Variants in CHST8 observed in about 807,000 individuals in gnomAD.
The protein encoded by CHST8 is GALNAC-4-ST1.
Under a neutral mutation model 15.0 loss-of-function variants are expected in CHST8, and 10 were observed. The observed-to-expected ratio is 0.67, with a 90% CI of 0.41 to 1.13. CHST8 has a LOEUF of 1.13. Ranked by LOEUF, CHST8 falls within the 50% of genes most tolerant of loss-of-function variation. The pLI is 0.00. For synonymous variants in CHST8, 259 were observed against 256.6 expected (o/e 1.01, Z -0.09); for missense variants, 634 against 608.2 (o/e 1.04, Z -0.45).
intron 3 of CHST8, among the ~76,000 whole-genome samples, chr19:33,701,736 T>C (rs1176514164): frequency 1.3e-5 from 2 of 152,228 alleles, no homozygotes; most frequent in African/African-American, 4.8e-5. Context: ...GCATGAAATG[T>C]AGTCAGGGTT....
At chr19:33,649,844 G>C (rs923800226) in intron 1 of CHST8, among the ~76,000 whole-genome samples, 1 of 152,154 alleles carries the variant, frequency 6.6e-6, no homozygotes, top group African/African-American at 2.4e-5. Flanking sequence ...GGGGTAGGGG[G>C]TCAGTTAGTG....
chr19:33,769,744 C>T (rs1974931784), intron 3 of CHST8, among the ~76,000 whole-genome samples: 1 of 152,072 alleles, frequency 6.6e-6, no homozygotes, highest in Non-Finnish European at 1.5e-5. Context: ...GCCAGGTCTA[C>T]TTGGAGCTTC....
rs182084568 is a variant in CHST8 at position 33,659,665 on chromosome 19, C to G, written c.-163-8102C>G. Among the ~76,000 whole-genome samples, 6 of 152,068 alleles carry G rather than the reference C, an allele frequency of 3.9e-5. No homozygotes were observed. In the East Asian group the frequency reaches 9.7e-4, roughly 25 times the overall value. On this transcript the variant is annotated intron_variant, in intron 1 of 4. Transcript: ENST00000650847. The stretch of plus-strand genomic sequence containing the variant: ...CTCTACAAAAAAATTAAAAAAATAA[C>G]CAGGAAAGGTGGCTTGTGCCTGAAA...
intron 3 of CHST8, among the ~76,000 whole-genome samples, chr19:33,741,615 T>A (rs1974195920): frequency 6.6e-6 from 1 of 152,130 alleles, no homozygotes; most frequent in Non-Finnish European, 1.5e-5. Flanking sequence ...CTTGCGTGTC[T>A]TTTGTAGGAC....
chr19:33,703,634 T>C (rs536349845), intron 3 of CHST8, among the ~76,000 whole-genome samples: 1 of 152,356 alleles, frequency 6.6e-6, no homozygotes, highest in South Asian at 2.1e-4. Flanking sequence ...TGCATTGAGG[T>C]TGACACCATT....
intron 2 of CHST8, among the ~76,000 whole-genome samples, chr19:33,681,888 C>T (rs1488266809): frequency 2.7e-5 from 4 of 146,740 alleles, no homozygotes; most frequent in East Asian, 2.0e-4. Flanking sequence ...TTTTTTTTAA[C>T]GGAGTTTCGC....
chr19:33,643,306 T>A (rs1429915628), intron 1 of CHST8, among the ~76,000 whole-genome samples: 4 of 152,216 alleles, frequency 2.6e-5, no homozygotes, highest in Non-Finnish European at 5.9e-5. Context: ...ATTGCCTTTT[T>A]AACATACATT....
intron 1 of CHST8, among the ~76,000 whole-genome samples, chr19:33,637,409 T>C (rs1313597233): frequency 2.6e-5 from 4 of 150,972 alleles, no homozygotes; most frequent in African/African-American, 7.3e-5. Flanking sequence ...GCTTTCTTTT[T>C]TTTTTTTTTT....
intron 3 of CHST8, among the ~76,000 whole-genome samples, chr19:33,720,330 C>G (rs1487691049): frequency 6.6e-6 from 1 of 151,810 alleles, no homozygotes; most frequent in Non-Finnish European, 1.5e-5. Flanking sequence ...ACTGCACACA[C>G]ACACCACACA....
intron 1 of CHST8, among the ~76,000 whole-genome samples, chr19:33,634,651 GT>G (rs565133027): frequency 0.011 from 599 of 54,944 alleles, 7 homozygotes; most frequent in South Asian, 0.056. Flanking sequence ...TTCTAGGGCT[GT>G]TTTTTTTTTT....
chr19:33,678,700 C>T (rs1972842966), intron 2 of CHST8, among the ~76,000 whole-genome samples: 2 of 152,260 alleles, frequency 1.3e-5, no homozygotes, highest in South Asian at 2.1e-4. Flanking sequence ...GATTGCATCT[C>T]TGCACTCCAG....
chr19:33,726,927 T>TGCTCCCCTCCCAGC (rs1337996170), intron 3 of CHST8, among the ~76,000 whole-genome samples: 1 of 151,682 alleles, frequency 6.6e-6, no homozygotes, highest in Non-Finnish European at 1.5e-5. Flanking sequence ...CTGCTGGCAG[T>TGCTCCCCTCCCAGC]GCTCCCCTCC....
intron 2 of CHST8, among the ~76,000 whole-genome samples, chr19:33,670,178 GAAAAA>G (rs1291869711): frequency 6.6e-6 from 1 of 151,858 alleles, no homozygotes. Context: ...AGAAAGAAAA[GAAAAA>G]AACAAAACCC....
chr19:33,685,555 T>A (rs1280452554), intron 2 of CHST8, among the ~76,000 whole-genome samples: 1 of 152,082 alleles, frequency 6.6e-6, no homozygotes, highest in Admixed American at 6.5e-5. Flanking sequence ...GGTCTTGGGA[T>A]GGGTGTAAGC....
chr19:33,661,349 A>C lies in CHST8; in HGVS notation c.-163-6418A>C, dbSNP rs773543379. On this transcript the variant is annotated intron_variant, in intron 1 of 4. Transcript: ENST00000650847. ...GGCAGTTAAACATCACTATGTTATCATTCAGTTCTCACAACAAAGCCCTGA... is the reference window on the plus strand; with the variant it reads ...GGCAGTTAAACATCACTATGTTATCCTTCAGTTCTCACAACAAAGCCCTGA... Among the ~76,000 whole-genome samples, 5 of 152,224 alleles carry C rather than the reference A, an allele frequency of 3.3e-5. No homozygotes were observed. In the East Asian group the frequency reaches 9.6e-4, roughly 29 times the overall value.
chr19:33,739,306 T>C (rs1363536982), intron 3 of CHST8, among the ~76,000 whole-genome samples: 2 of 152,018 alleles, frequency 1.3e-5, no homozygotes, highest in African/African-American at 4.8e-5. Context: ...AGAGGAAAAT[T>C]AGCTCCACTC....
intron 3 of CHST8, among the ~76,000 whole-genome samples, chr19:33,762,276 C>G (rs1262941056): frequency 6.6e-6 from 1 of 152,190 alleles, no homozygotes; most frequent in African/African-American, 2.4e-5. Context: ...CCCTTCCCAA[C>G]CCACTCAGTG....
rs200783003 is a variant in CHST8 at position 33,689,403 on chromosome 19, C to T, written c.130+12C>T. ...CCAGCAGGTGCCAGGTGAGTCCTTG[C>T]GCTGAGTCCTGCCATCACTGCCCCC... On this transcript the variant is annotated intron_variant, in intron 3 of 4. Transcript: ENST00000650847. 5,270 of 1,573,250 alleles carry T rather than the reference C, an allele frequency of 3.3e-3. 10 individuals carry two copies. The highest frequency in any genetic ancestry group is 4.1e-3 in the Non-Finnish European group (4,745 of 1,163,590).
intron 1 of CHST8, among the ~76,000 whole-genome samples, chr19:33,632,850 C>G (rs1240870101): frequency 5.3e-5 from 8 of 152,040 alleles, no homozygotes; most frequent in South Asian, 4.1e-4. Flanking sequence ...CTCACTGCAA[C>G]CTCCGCCTCC....
Sources: gnomAD v4.1 joint callset for allele counts (sites outside exome capture counted in the v4.1 genomes callset) on GRCh38, gnomAD v4.1.1 for gene constraint, MANE v1.5 for transcripts, NCBI Gene and HGNC (gene_info 2026-07-23, HGNC 2026-07-21) for gene names.